ATP2B2: variants seen among roughly 807,000 people sequenced by gnomAD.
ATP2B2 encodes ATPase plasma membrane Ca2+ transporting 2, also known as plasma membrane calcium-transporting ATPase 2.
ATP2B2 carries 15 observed loss-of-function variants against 120.0 expected under a neutral mutation model. That is an observed-to-expected ratio of 0.12 (90% CI 0.08 to 0.19). The LOEUF is 0.19. Among genes scored for constraint, ATP2B2 ranks in the 10% least tolerant of loss-of-function variants. The probability of loss-of-function intolerance (pLI) is 1.00; values close to 1 mark genes in which losing one functional copy is unlikely to be tolerated. For missense variants in ATP2B2, 1,045 were observed against 1,719.8 expected (o/e 0.61, Z 6.94); for synonymous variants, 694 against 700.3 (o/e 0.99, Z 0.14).
chr3:10,370,635 T>C (rs1294027282), intron 12 of ATP2B2, among the ~76,000 whole-genome samples: 2 of 152,210 alleles, frequency 1.3e-5, no homozygotes, highest in Admixed American at 1.3e-4. Flanking sequence ...CTACCAGCCC[T>C]TGGCTCTTTG....
chr3:10,608,598 G>C (rs2069146017), intron 2 of ATP2B2, among the ~76,000 whole-genome samples: 2 of 152,290 alleles, frequency 1.3e-5, no homozygotes, highest in East Asian at 3.9e-4. Context: ...ATCACATTTT[G>C]TATGTTCAAA....
At chr3:10,587,670 G>T (rs142505417) in intron 2 of ATP2B2, among the ~76,000 whole-genome samples, 96 of 152,304 alleles carry the variant, frequency 6.3e-4, no homozygotes, top group African/African-American at 2.1e-3. Context: ...ATGAGCCACC[G>T]CGCTGGGCCT....
chr3:10,388,779 T>C (rs2061758617), intron 5 of ATP2B2, among the ~76,000 whole-genome samples: 1 of 152,232 alleles, frequency 6.6e-6, no homozygotes, highest in African/African-American at 2.4e-5. Context: ...ACTACACACA[T>C]TACAAAAATC....
chr3:10,520,364 A>G (rs2066959923), intron 3 of ATP2B2, among the ~76,000 whole-genome samples: 1 of 152,198 alleles, frequency 6.6e-6, no homozygotes, highest in Non-Finnish European at 1.5e-5. Context: ...GTAATAGTGG[A>G]GGCTGGGAGA....
At chr3:10,517,682 A>G (rs962536248) in intron 3 of ATP2B2, among the ~76,000 whole-genome samples, 1 of 152,106 alleles carries the variant, frequency 6.6e-6, no homozygotes, top group Non-Finnish European at 1.5e-5. Context: ...CCCACTGGAG[A>G]AGGAAGCTTG....
chr3:10,427,326 T>C (rs2063176829), intron 2 of ATP2B2, among the ~76,000 whole-genome samples: 1 of 152,226 alleles, frequency 6.6e-6, no homozygotes, highest in Non-Finnish European at 1.5e-5. Flanking sequence ...TTCTTGGATT[T>C]GACCTTTCTT....
chr3:10,666,499 C>T lies in ATP2B2; in HGVS notation c.-460+41416G>A, dbSNP rs560092548. ...CTCTCCACACCCCACCAATGCCCAA[C>T]CAATCCCTCTTCTTCCAGGACGCCT... On this transcript the variant is annotated intron_variant, in intron 1 of 21. Transcript: ENST00000646379. 3.3e-4 allele frequency among the ~76,000 whole-genome samples: 51 copies of T among 152,354 alleles called. 1 individual carries two copies. The highest frequency in any genetic ancestry group is 3.4e-3 in the Middle Eastern group (1 of 294).
intron 5 of ATP2B2, among the ~76,000 whole-genome samples, chr3:10,400,716 T>C (rs1374289631): frequency 6.6e-6 from 1 of 152,142 alleles, no homozygotes; most frequent in Non-Finnish European, 1.5e-5. Context: ...AGGGCAGGGA[T>C]GCTTTGTCTA....
intron 2 of ATP2B2, among the ~76,000 whole-genome samples, chr3:10,591,020 T>G (rs1180583279): frequency 6.6e-6 from 1 of 151,908 alleles, no homozygotes; most frequent in South Asian, 2.1e-4. Context: ...TTATAACTCC[T>G]GGTCTACATG....
chr3:10,653,026 C>A (rs1484318415), intron 1 of ATP2B2, among the ~76,000 whole-genome samples: 1 of 152,116 alleles, frequency 6.6e-6, no homozygotes, highest in Non-Finnish European at 1.5e-5. Context: ...GATAGTTTCA[C>A]AGCTATATGA....
intron 1 of ATP2B2, among the ~76,000 whole-genome samples, chr3:10,460,946 A>G (rs1437485061): frequency 6.6e-6 from 1 of 152,132 alleles, no homozygotes; most frequent in Non-Finnish European, 1.5e-5. Context: ...GGATGTGTCT[A>G]AGTTGGGATA....
At chr3:10,628,140 C>G (rs1193263621) in intron 1 of ATP2B2, among the ~76,000 whole-genome samples, 1 of 152,224 alleles carries the variant, frequency 6.6e-6, no homozygotes, top group African/African-American at 2.4e-5. Context: ...TCACAGGAAG[C>G]TAGAGACATG....
At chr3:10,529,660 G>T (rs1249574618) in intron 3 of ATP2B2, among the ~76,000 whole-genome samples, 1 of 152,158 alleles carries the variant, frequency 6.6e-6, no homozygotes, top group African/African-American at 2.4e-5. Context: ...TAGGGATAAG[G>T]GTTGAACTAT....
intron 22 of ATP2B2, among the ~76,000 whole-genome samples, chr3:10,334,977 A>C (rs985112568): frequency 6.6e-6 from 1 of 152,228 alleles, no homozygotes; most frequent in Non-Finnish European, 1.5e-5. Flanking sequence ...TGCAGATCAG[A>C]AGCGCCTGAC....
chr3:10,664,411 T>C (rs2070870427), intron 1 of ATP2B2, among the ~76,000 whole-genome samples: 1 of 152,118 alleles, frequency 6.6e-6, no homozygotes, highest in African/African-American at 2.4e-5. Flanking sequence ...CCCTCTCGCC[T>C]GGCCCCCAAC....
intron 2 of ATP2B2, among the ~76,000 whole-genome samples, chr3:10,592,209 A>C (rs1459100223): frequency 2.6e-5 from 4 of 152,254 alleles, no homozygotes; most frequent in Non-Finnish European, 5.9e-5. Context: ...GCCAGGACTA[A>C]GAGAGGTGAA....
chr3:10,408,299 T>A (rs2062487410), intron 3 of ATP2B2, among the ~76,000 whole-genome samples: 2 of 152,202 alleles, frequency 1.3e-5, no homozygotes, highest in South Asian at 4.1e-4. Context: ...CCCTGTCAAC[T>A]TCCCTGGTGA....
At chr3:10,694,784 C>A (rs1325752169) in intron 1 of ATP2B2, among the ~76,000 whole-genome samples, 1 of 152,158 alleles carries the variant, frequency 6.6e-6, no homozygotes, top group East Asian at 1.9e-4. Flanking sequence ...ACTCTTTGCA[C>A]ATTAAGGGGA....
intron 15 of ATP2B2, 30 bp downstream of exon 15, chr3:10,350,368 C>T: frequency 6.2e-7 from 1 of 1,614,132 alleles, no homozygotes; most frequent in Non-Finnish European, 8.5e-7. Flanking sequence ...AGCGCGTTCC[C>T]CTGAGGATGC....
Sources: gnomAD v4.1 joint callset for allele counts (sites outside exome capture counted in the v4.1 genomes callset) on GRCh38, gnomAD v4.1.1 for gene constraint, MANE v1.5 for transcripts, NCBI Gene and HGNC (gene_info 2026-07-23, HGNC 2026-07-21) for gene names.